Variants in SPECC1 observed in about 807,000 individuals in gnomAD.
SPECC1 encodes the protein cytospin-B.
Under a neutral mutation model 104.1 loss-of-function variants are expected in SPECC1, and 62 were observed. The ratio of observed to expected loss-of-function variants is 0.60; its 90% CI spans 0.49 to 0.74. SPECC1 has a LOEUF of 0.74. Ranked by LOEUF, SPECC1 falls within the 30% of genes least tolerant of loss-of-function variation. The pLI is 0.00. For synonymous variants in SPECC1, 513 were observed against 501.6 expected, an observed-to-expected ratio of 1.02 and a Z score of -0.30; for missense variants, 1,306 against 1,310.5, an observed-to-expected ratio of 1.00 and a Z score of 0.05.
At chr17:20,124,976 G>T (rs1015246326) in intron 3 of SPECC1, among the ~76,000 whole-genome samples, 1 of 152,002 alleles carries the variant, frequency 6.6e-6, no homozygotes, top group Admixed American at 6.5e-5. Flanking sequence ...GTCAGGAGAT[G>T]GAGACCATCC....
At chr17:20,062,890 G>A (rs1290235974) in intron 1 of SPECC1, among the ~76,000 whole-genome samples, 1 of 152,048 alleles carries the variant, frequency 6.6e-6, no homozygotes. Flanking sequence ...GTTTCGTCAT[G>A]TTGGCCAGGC....
At chr17:20,078,692 G>A (rs1012737699) in intron 1 of SPECC1, among the ~76,000 whole-genome samples, 75 of 152,218 alleles carry the variant, frequency 4.9e-4, no homozygotes, top group African/African-American at 1.7e-3. Context: ...ATGTTTTTAA[G>A]TAAGCATAAA....
chr17:20,159,621 G>C (rs970843580), intron 3 of SPECC1, among the ~76,000 whole-genome samples: 2 of 152,212 alleles, frequency 1.3e-5, no homozygotes, highest in Non-Finnish European at 2.9e-5. Flanking sequence ...GGTGGCAGCA[G>C]GATTCCTCTG....
rs547210216 is a variant in SPECC1, at chr17:20,295,251, AT to A, written c.2941-1709del. On this transcript the variant is annotated intron_variant, in intron 12 of 14. Transcript: ENST00000395527. ...TGTTCTCATTGTTTAGTTCCCACCT[AT>A]GAGTGAGAACATGCAGTGTTTGGTT... 1.2e-3 allele frequency among the ~76,000 whole-genome samples: 169 copies of A among 138,486 alleles called. 1 individual carries two copies. The highest frequency in any genetic ancestry group is 5.2e-3 in the Admixed American group (62 of 11,936). The allele number at this position is 138,486 out of a possible 152,430, so 90.9% of individuals were successfully genotyped here.
chr17:20,301,409 A>AT lies in SPECC1; in HGVS notation c.3057+4347dup, dbSNP rs559604892. ...TCCCCTATGTGCTCAGTGCCAGGGC[A>AT]TTTTTTTTTTTTTTTAATTTACACT... On this transcript the variant is annotated intron_variant, in intron 13 of 14. Coordinates refer to ENST00000395527, the MANE Select transcript of SPECC1 (RefSeq NM_001243439.2). Among the ~76,000 whole-genome samples, 903 of 141,918 alleles carry AT rather than the reference A, an allele frequency of 6.4e-3. 3 individuals are homozygous for AT. The highest frequency in any genetic ancestry group is 0.014 in the African/African-American group (541 of 38,954). The allele number at this position is 141,918 out of a possible 152,430, so 93.1% of individuals were successfully genotyped here.
At position 20,318,123 on chromosome 17, in the gene SPECC1, A is replaced by G; in HGVS notation, c.*4058A>G. 4.3e-6 allele frequency: 1 copy of G among 231,600 alleles called. No individual in the cohort carries two copies. Among genetic ancestry groups the G allele is most frequent in the East Asian group, 6.1e-5 (1 of 16,368 alleles). 14.3% of individuals were successfully genotyped at this position (231,600 alleles called of 1,614,324 possible). On this transcript the variant is annotated 3_prime_UTR_variant, in exon 15 of 15. Transcript: ENST00000395527. ...TCTTCCCTCAGCCAGTAGTCATTTA[A>G]AATTCTTCAGTTGTTCTGAAGATCC...
intron 12 of SPECC1, 129 bp downstream of exon 12, chr17:20,260,423 G>C (rs2039985261): frequency 2.7e-6 from 2 of 738,384 alleles, no homozygotes; most frequent in Non-Finnish European, 4.2e-6. Context: ...TATTCTCCTA[G>C]GCAGGGCTGC....
At chr17:20,169,382 C>G (rs1202762131) in intron 3 of SPECC1, among the ~76,000 whole-genome samples, 1 of 152,148 alleles carries the variant, frequency 6.6e-6, no homozygotes, top group Non-Finnish European at 1.5e-5. Flanking sequence ...TTCTGAAAAT[C>G]AGAAATAGCT....
chr17:20,048,897 AG>A (rs1280696726), intron 1 of SPECC1, among the ~76,000 whole-genome samples: 2 of 152,102 alleles, frequency 1.3e-5, no homozygotes, highest in Non-Finnish European at 2.9e-5. Context: ...GTCTCAGAAA[AG>A]AAAAAAAAAA....
intron 12 of SPECC1, among the ~76,000 whole-genome samples, chr17:20,267,985 G>C (rs2040273066): frequency 6.6e-6 from 1 of 152,160 alleles, no homozygotes; most frequent in Non-Finnish European, 1.5e-5. Context: ...CTCCCAGGAG[G>C]CATGATGAGG....
intron 4 of SPECC1, among the ~76,000 whole-genome samples, chr17:20,219,882 T>C (rs2037750961): frequency 6.6e-6 from 1 of 152,208 alleles, no homozygotes; most frequent in East Asian, 1.9e-4. Context: ...TCTAGTTTCA[T>C]TCTTCTGCTC....
In SPECC1 at chr17:20,046,940, C is replaced by G. The variant is rs567210990; in HGVS notation, c.-22+37516C>G. Among the ~76,000 whole-genome samples the G allele has an allele frequency of 2.0e-5, 3 of 152,144 alleles. No homozygotes were observed. The South Asian group carries it at 6.2e-4, about 32-fold the overall frequency. ...TCTGACTTGGGTGTTGATGTGGTCA[C>G]TCTGCTATGCTGAGAGCAGACTCCA... On this transcript the variant is annotated intron_variant, in intron 1 of 14. Coordinates refer to ENST00000395527, the MANE Select transcript of SPECC1 (RefSeq NM_001243439.2).
intron 12 of SPECC1, among the ~76,000 whole-genome samples, chr17:20,295,274 G>C (rs926551822): frequency 2.0e-5 from 3 of 148,966 alleles, no homozygotes; most frequent in African/African-American, 7.4e-5. Context: ...TGCAGTGTTT[G>C]GTTTTCTGTC....
At chr17:20,094,787 A>G (rs1191093669) in intron 1 of SPECC1, among the ~76,000 whole-genome samples, 1 of 151,980 alleles carries the variant, frequency 6.6e-6, no homozygotes, top group African/African-American at 2.4e-5. Context: ...TTTTGTAGAG[A>G]CAGAGTCTTG....
intron 3 of SPECC1, among the ~76,000 whole-genome samples, chr17:20,183,890 A>T (rs12940385): frequency 1.6e-4 from 24 of 152,110 alleles, no homozygotes; most frequent in African/African-American, 5.3e-4. Flanking sequence ...AATGATGTCA[A>T]CCGGGCGTGG....
At chr17:20,236,862 C>G in intron 7 of SPECC1, 1 of 1,613,826 alleles carries the variant, frequency 6.2e-7, no homozygotes, top group Non-Finnish European at 8.5e-7. Flanking sequence ...TTTCACAGCT[C>G]CCTGGGCTCT....
At position 20,094,674 on chromosome 17, in the gene SPECC1, C is replaced by A. The variant is rs1296318695; in HGVS notation, c.-21-1957C>A. 1.6e-4 allele frequency among the ~76,000 whole-genome samples: 4 copies of A among 25,596 alleles called. No individual in the cohort carries two copies. The East Asian group carries it at 4.1e-3, about 26-fold the overall frequency. The allele number at this position is 25,596 out of a possible 152,430, so 16.8% of individuals were successfully genotyped here. A position where few individuals can be genotyped will look rare whatever the true frequency, so the allele number is the denominator to read the frequency against. ...AAAGTAAGCCCTGTAATATCCAGTC[C>A]TTTATTTTTTTTTTTTATTTAGAGA... On this transcript the variant is annotated intron_variant, in intron 1 of 14. Coordinates refer to ENST00000395527, the MANE Select transcript of SPECC1 (RefSeq NM_001243439.2).
intron 3 of SPECC1, among the ~76,000 whole-genome samples, chr17:20,182,901 G>A (rs770630630): frequency 6.6e-6 from 1 of 152,154 alleles, no homozygotes; most frequent in Non-Finnish European, 1.5e-5. Context: ...GAAGTGTTCT[G>A]GAACCACCAA....
At chr17:20,201,310 A>C (rs928109017) in intron 3 of SPECC1, among the ~76,000 whole-genome samples, 38 of 151,698 alleles carry the variant, frequency 2.5e-4, no homozygotes, top group Non-Finnish European at 4.6e-4. Flanking sequence ...AAAAAAAAAA[A>C]CAAAAAAACG....
Sources: allele counts gnomAD v4.1 joint callset (sites outside exome capture counted in the v4.1 genomes callset), GRCh38; gene constraint gnomAD v4.1.1; transcripts MANE v1.5; gene names NCBI Gene and HGNC (gene_info 2026-07-23, HGNC 2026-07-21).